The following APAF1 variants were observed in gnomAD, a reference collection of about 807,000 sequenced individuals.
APAF1 encodes apoptotic peptidase activating factor 1.
A neutral mutation model predicts 152.4 loss-of-function variants in APAF1; 91 were observed. The observed-to-expected ratio is 0.60, with a 90% CI of 0.50 to 0.71. APAF1 has a LOEUF of 0.71. Ranked by LOEUF, APAF1 falls within the 30% of genes least tolerant of loss-of-function variation. The pLI is 0.00. For synonymous variants in APAF1, 484 were observed against 494.1 expected, an observed-to-expected ratio of 0.98 and a Z score of 0.27; for missense variants, 1,283 against 1,472.0, an observed-to-expected ratio of 0.87 and a Z score of 2.10.
At chr12:98,726,722 G>T (rs964972927) in intron 25 of APAF1, 1 of 155,494 alleles carries the variant, frequency 6.4e-6, no homozygotes, top group Non-Finnish European at 1.4e-5. Context: ...GCAGGAAAAA[G>T]TTGTCTCCAT....
intron 16 of APAF1, among the ~76,000 whole-genome samples, chr12:98,695,241 C>T (rs1488939867): frequency 1.1e-4 from 16 of 151,866 alleles, no homozygotes; most frequent in Admixed American, 6.6e-4. Flanking sequence ...TTAGTAGAGA[C>T]GGGATTTCAC....
At chr12:98,713,098 C>T (rs1290414888) in intron 21 of APAF1, among the ~76,000 whole-genome samples, 1 of 152,212 alleles carries the variant, frequency 6.6e-6, no homozygotes, top group Non-Finnish European at 1.5e-5. Flanking sequence ...GGATTACAGG[C>T]ATGAGCCACC....
rs369924917 is a variant in APAF1 at position 98,691,369 on chromosome 12, G to A, written c.2304+4496G>A. 2.0e-4 allele frequency among the ~76,000 whole-genome samples: 30 copies of A among 152,052 alleles called. 1 individual carries two copies. The East Asian group carries it at 3.1e-3, about 16-fold the overall frequency. On this transcript the variant is annotated intron_variant, in intron 16 of 26. Coordinates refer to ENST00000551964, the MANE Select transcript of APAF1 (RefSeq NM_181861.2). ...CTTACAAATGTTCTTGGGCCTTCCTGAGCCTTATAAAGCCAAAAAGTGAAA... is the reference window on the plus strand; with the variant it reads ...CTTACAAATGTTCTTGGGCCTTCCTAAGCCTTATAAAGCCAAAAAGTGAAA...
At chr12:98,724,777 C>CCT (rs2097748036) in intron 24 of APAF1, among the ~76,000 whole-genome samples, 1 of 152,168 alleles carries the variant, frequency 6.6e-6, no homozygotes, top group Non-Finnish European at 1.5e-5. Context: ...AGGATAGTGA[C>CCT]TGTAGCTAGT....
intron 4 of APAF1, among the ~76,000 whole-genome samples, chr12:98,652,905 G>T (rs558361071): frequency 1.3e-5 from 2 of 152,226 alleles, no homozygotes. Flanking sequence ...TATTACAGGC[G>T]TGAGCCACTG....
intron 16 of APAF1, among the ~76,000 whole-genome samples, chr12:98,689,328 C>CTG (rs1366054234): frequency 6.6e-6 from 1 of 151,922 alleles, no homozygotes; most frequent in Non-Finnish European, 1.5e-5. Flanking sequence ...GGGATGTTTC[C>CTG]TATGTGTGCC....
chr12:98,659,422 A>G (rs1336166239), intron 5 of APAF1, 79 bp downstream of exon 5: 28 of 1,448,638 alleles, frequency 1.9e-5, no homozygotes, highest in East Asian at 1.1e-4. Context: ...TGAGAACATC[A>G]TGCCTTTTTC....
chr12:98,716,335 A>G (rs1477480246), intron 22 of APAF1, among the ~76,000 whole-genome samples: 1 of 152,166 alleles, frequency 6.6e-6, no homozygotes, highest in African/African-American at 2.4e-5. Context: ...ACACTCATTT[A>G]TCAATCCATT....
rs1411427643 is a variant in APAF1 at position 98,701,882 on chromosome 12, GA to G, written c.2467-1488del. Reference sequence around the variant, plus strand: ...TTTTCTTTTACTATTCCATAATTGGGACAACTGCCTATTGTGGAATAGGCAA... The same window carrying G: ...TTTTCTTTTACTATTCCATAATTGGGCAACTGCCTATTGTGGAATAGGCAA... On this transcript the variant is annotated intron_variant, in intron 17 of 26. Coordinates refer to ENST00000551964, the MANE Select transcript of APAF1 (RefSeq NM_181861.2). 3.0e-4 allele frequency among the ~76,000 whole-genome samples: 46 copies of G among 151,966 alleles called. 2 individuals carry two copies. Among genetic ancestry groups the G allele is most frequent in the Admixed American group, 2.9e-3 (45 of 15,258 alleles).
chr12:98,723,119 G>A, intron 22 of APAF1, 74 bp from the exon 23 acceptor site: 1 of 1,498,960 alleles, frequency 6.7e-7, no homozygotes, highest in Non-Finnish European at 9.3e-7. Flanking sequence ...ACAAGAGAAT[G>A]TACACTCTCT....
intron 12 of APAF1, among the ~76,000 whole-genome samples, chr12:98,672,877 C>A (rs529512852): frequency 9.2e-4 from 139 of 151,904 alleles, no homozygotes; most frequent in African/African-American, 3.0e-3. Context: ...GCCTCAGCCT[C>A]CCGAGTAGCT....
intron 5 of APAF1, among the ~76,000 whole-genome samples, chr12:98,661,248 C>T (rs989614489): frequency 5.9e-5 from 9 of 152,240 alleles, no homozygotes; most frequent in African/African-American, 2.2e-4. Context: ...GGATTGAGAT[C>T]ACTAACCCTT....
intron 24 of APAF1, among the ~76,000 whole-genome samples, chr12:98,725,018 A>G (rs1208230027): frequency 3.9e-5 from 6 of 152,230 alleles, no homozygotes; most frequent in African/African-American, 1.4e-4. Context: ...CATCATAGGT[A>G]CAATTGTCCT....
chr12:98,735,092 T>TGGGAAGAAAGACAAGGTAAC lies in APAF1; in HGVS notation c.*2527_*2546dup, dbSNP rs2097767515. 5.0e-6 allele frequency: 2 copies of TGGGAAGAAAGACAAGGTAAC among 397,672 alleles called. No individual in the cohort carries two copies. Among genetic ancestry groups the TGGGAAGAAAGACAAGGTAAC allele is most frequent in the South Asian group, 1.3e-4 (1 of 7,814 alleles). 24.6% of individuals were successfully genotyped at this position (397,672 alleles called of 1,614,324 possible). ...GCAAGACCCTGTCTTAAAAGAAAAA[T>TGGGAAGAAAGACAAGGTAAC]GGGAAGAAAGACAAGGTAACATGAA... On this transcript the variant is annotated 3_prime_UTR_variant, in exon 27 of 27. Coordinates refer to ENST00000551964, the MANE Select transcript of APAF1 (RefSeq NM_181861.2).
At chr12:98,712,469 C>T (rs1322449394) in intron 21 of APAF1, 34 bp downstream of exon 21, 1 of 1,181,516 alleles carries the variant, frequency 8.5e-7, no homozygotes, top group Admixed American at 1.7e-5. Context: ...TCTTTCTGTA[C>T]AGAATTAAAT....
chr12:98,657,257 C>G (rs2097658940), intron 4 of APAF1, among the ~76,000 whole-genome samples: 1 of 152,252 alleles, frequency 6.6e-6, no homozygotes, highest in Non-Finnish European at 1.5e-5. Context: ...CCTCTCTATT[C>G]ATACTATCAG....
In APAF1 at chr12:98,665,712, T is replaced by C; in HGVS notation, c.1115T>C (p.Val372Ala). 1.9e-6 allele frequency: 3 copies of C among 1,614,100 alleles called. No homozygotes were observed. The highest frequency in any genetic ancestry group is 2.5e-6 in the Non-Finnish European group (3 of 1,180,000). ...EALDEAMSIS[V>A]EMLREDIKDY... ...CTAGATGAAGCCATGTCTATAAGTG[T>C]TGAAATGCTCAGAGAAGACATCAAA... The change falls in exon 8 of 27, where the codon GTT (valine) becomes GCT (alanine). Residue 372 changes from valine to alanine, a missense_variant. Physicochemically the swap from Val to Ala is moderately conservative, Grantham distance 64. Transcript: ENST00000551964.
intron 4 of APAF1, among the ~76,000 whole-genome samples, chr12:98,653,719 T>TATATATATATAC (rs1305555429): frequency 9.2e-6 from 1 of 108,226 alleles, no homozygotes. Flanking sequence ...TATATATATA[T>TATATATATATAC]ATATAGTTTT....
chr12:98,665,280 T>TATATATATA (rs1565863211), intron 7 of APAF1, among the ~76,000 whole-genome samples: 18 of 62,646 alleles, frequency 2.9e-4, no homozygotes, highest in African/African-American at 9.2e-4. Context: ...ATATATATAT[T>TATATATATA]TTTTTTTTTT....
Sources: gnomAD v4.1 joint callset for allele counts (sites outside exome capture counted in the v4.1 genomes callset) on GRCh38, gnomAD v4.1.1 for gene constraint, MANE v1.5 for transcripts, NCBI Gene and HGNC (gene_info 2026-07-23, HGNC 2026-07-21) for gene names.